The following MARCHF1 variants were observed in gnomAD, a reference collection of about 807,000 sequenced individuals.
MARCHF1 encodes the protein membrane associated ring-CH-type finger 1.
In MARCHF1, 40 loss-of-function variants were observed where a neutral mutation model predicts 54.2. The observed-to-expected ratio is 0.74, with a 90% CI of 0.57 to 0.96. MARCHF1 has a LOEUF of 0.96. MARCHF1 is among the 40% of genes least tolerant of loss of function. MARCHF1 has a pLI of 0.00. For synonymous variants in MARCHF1, 236 were observed against 236.3 expected (o/e 1.00, Z 0.01); for missense variants, 586 against 656.5 (o/e 0.89, Z 1.17).
chr4:163,663,222 C>CT (rs70948661), intron 5 of MARCHF1, among the ~76,000 whole-genome samples: 37,331 of 141,014 alleles, frequency 0.26, 5,147 homozygotes, highest in East Asian at 0.45. Context: ...TTTAAATCAT[C>CT]TTTTTTTTTT....
intron 3 of MARCHF1, among the ~76,000 whole-genome samples, chr4:163,860,291 G>A (rs1749888849): frequency 6.6e-6 from 1 of 152,114 alleles, no homozygotes; most frequent in Non-Finnish European, 1.5e-5. Context: ...TCCAGGGGCT[G>A]CATTATTAGT....
intron 5 of MARCHF1, among the ~76,000 whole-genome samples, chr4:163,666,893 T>C (rs1455401673): frequency 6.6e-6 from 1 of 152,082 alleles, no homozygotes; most frequent in African/African-American, 2.4e-5. Context: ...TGTTCTTGTG[T>C]TATGCGTGGA....
At chr4:163,767,572 G>A (rs370424172) in intron 4 of MARCHF1, among the ~76,000 whole-genome samples, 1 of 152,070 alleles carries the variant, frequency 6.6e-6, no homozygotes, top group Non-Finnish European at 1.5e-5. Context: ...CTGACCTCAT[G>A]ATCCGCCCAC....
chr4:163,742,800 G>T (rs1746247385), intron 4 of MARCHF1, among the ~76,000 whole-genome samples: 1 of 152,082 alleles, frequency 6.6e-6, no homozygotes, highest in South Asian at 2.1e-4. Flanking sequence ...TCTAAGATGG[G>T]AGATCTAAGA....
chr4:164,168,490 T>A (rs957218776), intron 1 of MARCHF1, among the ~76,000 whole-genome samples: 26 of 151,990 alleles, frequency 1.7e-4, no homozygotes, highest in Non-Finnish European at 2.9e-4. Flanking sequence ...CTGGAAAAAA[T>A]TTTAATGTCA....
At chr4:164,070,169 ACTCC>A (rs1754832381) in intron 2 of MARCHF1, among the ~76,000 whole-genome samples, 1 of 152,130 alleles carries the variant, frequency 6.6e-6, no homozygotes, top group Non-Finnish European at 1.5e-5. Context: ...CAGGTACTAT[ACTCC>A]CTATCTGGGT....
chr4:164,374,606 G>T (rs1297271338), intron 1 of MARCHF1, among the ~76,000 whole-genome samples: 1 of 152,056 alleles, frequency 6.6e-6, no homozygotes, highest in Non-Finnish European at 1.5e-5. Context: ...TCTCTACCAT[G>T]AATGTCATAA....
chr4:164,073,391 C>G (rs903341487), intron 2 of MARCHF1, among the ~76,000 whole-genome samples: 1 of 151,990 alleles, frequency 6.6e-6, no homozygotes, highest in Non-Finnish European at 1.5e-5. Flanking sequence ...CAAACTAACA[C>G]AAGAAGAGAA....
chr4:164,363,552 C>T (rs963317670), intron 1 of MARCHF1, among the ~76,000 whole-genome samples: 4 of 151,956 alleles, frequency 2.6e-5, no homozygotes, highest in South Asian at 2.1e-4. Flanking sequence ...CAGGACCCTA[C>T]GAGTAGAAAA....
chr4:163,662,207 T>TAATTAA (rs1395065064), intron 5 of MARCHF1, among the ~76,000 whole-genome samples: 1 of 152,064 alleles, frequency 6.6e-6, no homozygotes, highest in Non-Finnish European at 1.5e-5. Context: ...ATTTCCTTGA[T>TAATTAA]AATTTCAAAT....
At chr4:163,897,398 C>T (rs565490792) in intron 3 of MARCHF1, among the ~76,000 whole-genome samples, 2 of 152,206 alleles carry the variant, frequency 1.3e-5, no homozygotes, top group South Asian at 4.1e-4. Flanking sequence ...CCTCACATTC[C>T]TTATATTCTC....
At chr4:164,028,924 C>G (rs544791454) in intron 2 of MARCHF1, among the ~76,000 whole-genome samples, 3 of 152,200 alleles carry the variant, frequency 2.0e-5, no homozygotes, top group Admixed American at 6.5e-5. Context: ...GTATAATAAA[C>G]CTTATTGAAT....
intron 1 of MARCHF1, among the ~76,000 whole-genome samples, chr4:164,227,987 C>G (rs748077083): frequency 2.8e-4 from 42 of 152,038 alleles, no homozygotes; most frequent in Non-Finnish European, 4.9e-4. Context: ...TAATCTATGA[C>G]CCAAGAATCT....
intron 3 of MARCHF1, among the ~76,000 whole-genome samples, chr4:163,930,290 C>A (rs1484504984): frequency 6.6e-6 from 1 of 151,342 alleles, no homozygotes; most frequent in African/African-American, 2.4e-5. Flanking sequence ...GAGGAGGGCA[C>A]CAGAGACCTA....
intron 4 of MARCHF1, among the ~76,000 whole-genome samples, chr4:163,730,393 A>C (rs1943953506): frequency 6.6e-6 from 1 of 152,058 alleles, no homozygotes. Context: ...AGATTTTCTC[A>C]GAAACAGTTT....
chr4:163,652,840 A>G (rs908057483), intron 5 of MARCHF1, among the ~76,000 whole-genome samples: 3 of 151,838 alleles, frequency 2.0e-5, no homozygotes, highest in African/African-American at 7.2e-5. Context: ...CCTGAAGTCC[A>G]AATGTGTTAA....
At chr4:164,315,933 G>T (rs1734985119) in intron 1 of MARCHF1, among the ~76,000 whole-genome samples, 1 of 152,128 alleles carries the variant, frequency 6.6e-6, no homozygotes, top group Non-Finnish European at 1.5e-5. Context: ...ATGAGTGCAG[G>T]ATCTGTAGGT....
chr4:163,882,467 G>C (rs1196111471), intron 3 of MARCHF1, among the ~76,000 whole-genome samples: 1 of 152,158 alleles, frequency 6.6e-6, no homozygotes, highest in East Asian at 1.9e-4. Flanking sequence ...TATGATATTA[G>C]GAGAGGGATT....
chr4:164,023,835 G>T (rs1161770522), intron 2 of MARCHF1, among the ~76,000 whole-genome samples: 1 of 152,114 alleles, frequency 6.6e-6, no homozygotes, highest in Non-Finnish European at 1.5e-5. Context: ...AAAAATCCAA[G>T]TAATCTAGCA....
Sources: allele counts gnomAD v4.1 joint callset (sites outside exome capture counted in the v4.1 genomes callset), GRCh38; gene constraint gnomAD v4.1.1; transcripts MANE v1.5; gene names NCBI Gene and HGNC (gene_info 2026-07-23, HGNC 2026-07-21).